CSMD3: variants seen among roughly 807,000 people sequenced by gnomAD.
CSMD3 encodes the protein CUB and Sushi multiple domains 3, also known as CUB and sushi domain-containing protein 3.
In CSMD3, 177 loss-of-function variants were observed where a neutral mutation model predicts 435.2. The ratio of observed to expected loss-of-function variants is 0.41; its 90% CI spans 0.36 to 0.46. The LOEUF (loss-of-function observed/expected upper bound fraction) is 0.46. Ranked by LOEUF, CSMD3 falls within the 20% of genes least tolerant of loss-of-function variation. CSMD3 has a pLI of 0.34. For missense variants in CSMD3, 4,265 were observed against 4,504.6 expected (o/e 0.95, Z 1.52); for synonymous variants, 1,656 against 1,520.5 (o/e 1.09, Z -2.07).
At chr8:112,776,248 T>A (rs922444397) in intron 13 of CSMD3, among the ~76,000 whole-genome samples, 1 of 151,776 alleles carries the variant, frequency 6.6e-6, no homozygotes, top group African/African-American at 2.4e-5. Flanking sequence ...TACAACAAAA[T>A]AAGGTTCTTA....
intron 12 of CSMD3, among the ~76,000 whole-genome samples, chr8:112,807,062 C>G (rs1474427809): frequency 6.6e-6 from 1 of 152,182 alleles, no homozygotes; most frequent in Non-Finnish European, 1.5e-5. Flanking sequence ...GACCCATGTA[C>G]TCTACCACTT....
intron 20 of CSMD3, among the ~76,000 whole-genome samples, chr8:112,640,149 T>C (rs1172370595): frequency 6.6e-6 from 1 of 152,068 alleles, no homozygotes; most frequent in African/African-American, 2.4e-5. Context: ...TAGTATTTAA[T>C]TACACTGTCA....
intron 38 of CSMD3, among the ~76,000 whole-genome samples, chr8:112,361,309 G>A (rs1827178650): frequency 6.6e-6 from 1 of 151,418 alleles, no homozygotes; most frequent in Non-Finnish European, 1.5e-5. Context: ...ATGAATCCAG[G>A]GACCAATCCA....
At chr8:112,669,741 T>A (rs2075613110) in intron 16 of CSMD3, among the ~76,000 whole-genome samples, 1 of 152,182 alleles carries the variant, frequency 6.6e-6, no homozygotes, top group South Asian at 2.1e-4. Context: ...GGTGTGTGCC[T>A]GTGTGGCATT....
chr8:112,473,105 G>A (rs1818690488), intron 31 of CSMD3, among the ~76,000 whole-genome samples: 1 of 152,264 alleles, frequency 6.6e-6, no homozygotes, highest in African/African-American at 2.4e-5. Context: ...CACTGATTAT[G>A]TGTGAGACAT....
At chr8:112,903,151 CAAAAAA>C (rs763330055) in intron 10 of CSMD3, among the ~76,000 whole-genome samples, 105 of 53,782 alleles carry the variant, frequency 2.0e-3, no homozygotes, top group East Asian at 3.0e-3. Flanking sequence ...GCAGTCTTGG[CAAAAAA>C]AAAAAAAAAA....
chr8:112,575,943 A>C (rs1464337502), intron 23 of CSMD3, among the ~76,000 whole-genome samples: 2 of 151,992 alleles, frequency 1.3e-5, no homozygotes, highest in Non-Finnish European at 2.9e-5. Flanking sequence ...GATCCAGTGG[A>C]TCTTATTTGT....
intron 36 of CSMD3, 114 bp downstream of exon 36, chr8:112,390,550 C>T: frequency 1.2e-6 from 1 of 858,544 alleles, no homozygotes; most frequent in East Asian, 2.5e-5. Flanking sequence ...TTCATTTCAA[C>T]CATGTCAGTC....
intron 58 of CSMD3, among the ~76,000 whole-genome samples, chr8:112,283,333 CTTATT>C: frequency 6.6e-6 from 1 of 151,652 alleles, no homozygotes; most frequent in African/African-American, 2.4e-5. Flanking sequence ...AGAGAGAACT[CTTATT>C]TTAAAAATCA....
intron 3 of CSMD3, among the ~76,000 whole-genome samples, chr8:113,207,147 A>G (rs1312934111): frequency 2.0e-5 from 3 of 152,154 alleles, no homozygotes; most frequent in African/African-American, 7.2e-5. Context: ...AACTTTATCT[A>G]AAAGAATTCT....
At chr8:112,812,041 G>A (rs567958313) in intron 12 of CSMD3, among the ~76,000 whole-genome samples, 1 of 152,212 alleles carries the variant, frequency 6.6e-6, no homozygotes, top group Admixed American at 6.5e-5. Context: ...CATGAGCAGG[G>A]CAGGAAAGGG....
rs750432574 is a variant in CSMD3, at chr8:112,291,606, A to C, written c.8878T>G (p.Phe2960Val). 1 of 1,610,856 alleles carries C rather than the reference A, an allele frequency of 6.2e-7. No individual in the cohort carries two copies. The highest frequency in any genetic ancestry group is 1.1e-5 in the South Asian group (1 of 91,010). Reference protein sequence around the residue: ...HGNFTYGTVVFYDCNPGYFLF... With the variant: ...HGNFTYGTVVVYDCNPGYFLF... Reference sequence around the variant, plus strand: ...AAATATCCAGGATTGCAGTCATAGAATACCACAGTGCCGTAAGTAAAATTT... The same window carrying C: ...AAATATCCAGGATTGCAGTCATAGACTACCACAGTGCCGTAAGTAAAATTT... The change falls in exon 56 of 71, where the codon TTC (phenylalanine) becomes GTC (valine). Residue 2960 changes from phenylalanine to valine, a missense_variant. Phe to Val is a conservative substitution (Grantham distance 50). Coordinates refer to ENST00000297405, the MANE Select transcript of CSMD3 (RefSeq NM_198123.2).
intron 11 of CSMD3, among the ~76,000 whole-genome samples, chr8:112,833,690 A>ATGTG (rs34246089): frequency 2.9e-4 from 43 of 149,144 alleles, no homozygotes; most frequent in African/African-American, 9.0e-4. Flanking sequence ...ATATGTGTGT[A>ATGTG]TGTGTGTGTG....
chr8:112,650,401 T>G (rs1363501109), intron 18 of CSMD3, 52 bp from the exon 19 acceptor site: 1 of 1,413,170 alleles, frequency 7.1e-7, no homozygotes, highest in East Asian at 2.3e-5. Flanking sequence ...GATTTGGAGT[T>G]GCTGAAAATA....
chr8:112,852,101 A>C (rs2080507724), intron 11 of CSMD3, among the ~76,000 whole-genome samples: 1 of 152,144 alleles, frequency 6.6e-6, no homozygotes. Flanking sequence ...CAGCAATAGG[A>C]CTTCAGTACC....
chr8:113,045,324 T>C (rs574217780), intron 5 of CSMD3, among the ~76,000 whole-genome samples: 3 of 149,366 alleles, frequency 2.0e-5, no homozygotes, highest in South Asian at 4.3e-4. Context: ...CTTTCCATAA[T>C]TGTACCATTT....
chr8:113,013,136 A>G (rs1040396962), intron 6 of CSMD3, among the ~76,000 whole-genome samples: 1 of 152,076 alleles, frequency 6.6e-6, no homozygotes, highest in African/African-American at 2.4e-5. Flanking sequence ...TTATGATTTC[A>G]GAAAATCTGT....
intron 66 of CSMD3, 75 bp downstream of exon 66, chr8:112,241,645 C>T (rs2130060937): frequency 1.1e-6 from 1 of 943,000 alleles, no homozygotes; most frequent in Admixed American, 1.8e-5. Context: ...TTTAAATACA[C>T]AGTTACTATG....
At chr8:112,701,967 G>A (rs1051594794) in intron 13 of CSMD3, among the ~76,000 whole-genome samples, 38 of 152,014 alleles carry the variant, frequency 2.5e-4, no homozygotes, top group African/African-American at 8.9e-4. Flanking sequence ...ACTGTTAATT[G>A]CTATTTTCTT....
Sources: gnomAD v4.1 joint callset for allele counts (sites outside exome capture counted in the v4.1 genomes callset) on GRCh38, gnomAD v4.1.1 for gene constraint, MANE v1.5 for transcripts, NCBI Gene and HGNC (gene_info 2026-07-23, HGNC 2026-07-21) for gene names.